The following KIF1B variants were observed in gnomAD, a reference collection of about 807,000 sequenced individuals.
KIF1B encodes kinesin family member 1B.
A neutral mutation model predicts 241.9 loss-of-function variants in KIF1B; 76 were observed. The observed-to-expected ratio is 0.31, with a 90% CI of 0.26 to 0.38. KIF1B has a LOEUF of 0.38. Among genes scored for constraint, KIF1B ranks in the 10% least tolerant of loss-of-function variants. The probability of loss-of-function intolerance (pLI) is 1.00; values close to 1 mark genes in which losing one functional copy is unlikely to be tolerated. For missense variants in KIF1B, 1,622 were observed against 2,271.4 expected (o/e 0.71, Z 5.81); for synonymous variants, 750 against 796.7 (o/e 0.94, Z 0.99).
intron 31 of KIF1B, among the ~76,000 whole-genome samples, chr1:10,338,383 A>G (rs900064264): frequency 6.6e-6 from 1 of 152,340 alleles, no homozygotes; most frequent in East Asian, 1.9e-4. Flanking sequence ...TGTGATCACT[A>G]TATAGTAAGC....
At chr1:10,263,800 T>C (rs1175070521) in intron 5 of KIF1B, among the ~76,000 whole-genome samples, 2 of 152,102 alleles carry the variant, frequency 1.3e-5, no homozygotes, top group Admixed American at 1.3e-4. Context: ...TAACTTGGAG[T>C]GGAGCATAGA....
intron 31 of KIF1B, among the ~76,000 whole-genome samples, chr1:10,338,165 A>G (rs1652252250): frequency 6.6e-6 from 1 of 152,246 alleles, no homozygotes; most frequent in Admixed American, 6.5e-5. Context: ...GTACTTGGAA[A>G]GGGCCACAGT....
At chr1:10,305,933 A>G (rs1234023437) in intron 22 of KIF1B, 15 of 1,054,590 alleles carry the variant, frequency 1.4e-5, no homozygotes, top group Non-Finnish European at 1.7e-5. Flanking sequence ...CCTAAGTCAC[A>G]TGAAATCATC....
In KIF1B at chr1:10,365,725, A is replaced by T; in HGVS notation, c.4752+77A>T. 2 of 1,592,300 alleles carry T rather than the reference A, an allele frequency of 1.3e-6. No individual in the cohort carries two copies. Among genetic ancestry groups the T allele is most frequent in the Middle Eastern group, 1.7e-4 (1 of 5,954 alleles). On this transcript the variant is annotated intron_variant, in intron 43 of 48. Coordinates refer to ENST00000676179, the MANE Select transcript of KIF1B (RefSeq NM_001365951.3). This position sits in a 1 kb window ranked among gnomAD's most constrained non-coding sequence, Gnocchi z 4.0. ...TAGCCTCTCGGTTTATTCATTTTCA[A>T]CACCTTTGTTCGAGGTGTTTGAAGG...
At chr1:10,267,238 C>T (rs189641268) in intron 5 of KIF1B, 142 bp from the exon 6 acceptor site, 12 of 684,458 alleles carry the variant, frequency 1.8e-5, no homozygotes, top group East Asian at 1.2e-4. Flanking sequence ...AGACTGGTCT[C>T]GAACTCGTAG....
intron 19 of KIF1B, 111 bp downstream of exon 19, chr1:10,295,877 A>T (rs2102256843): frequency 1.6e-5 from 15 of 944,508 alleles, no homozygotes; most frequent in Non-Finnish European, 2.5e-5. Context: ...ATACAATCTA[A>T]TTCTGAAAAA....
In KIF1B at chr1:10,292,045, A is replaced by G; in HGVS notation, c.1515-2A>G. On this transcript the variant is annotated splice_acceptor_variant, in intron 16 of 48. Coordinates refer to ENST00000676179, the MANE Select transcript of KIF1B (RefSeq NM_001365951.3). LOFTEE classifies it high-confidence loss of function. ...GTTCTGATATACCTGTTTTTTTCCT[A>G]GAGAGGCTTTGTTGGCTGAGATGGG... The G allele has an allele frequency of 6.2e-7, 1 of 1,612,694 alleles. No individual in the cohort carries two copies. Among genetic ancestry groups the G allele is most frequent in the Non-Finnish European group, 8.5e-7 (1 of 1,178,932 alleles).
At chr1:10,307,837 C>A (rs1337627456) in intron 22 of KIF1B, 1 of 1,043,388 alleles carries the variant, frequency 9.6e-7, no homozygotes, top group Non-Finnish European at 1.2e-6. Flanking sequence ...GAATGGTATT[C>A]CTTGGAGAGT....
intron 10 of KIF1B, 77 bp downstream of exon 10, chr1:10,273,108 AAG>A: frequency 3.2e-5 from 34 of 1,063,820 alleles, no homozygotes; most frequent in Non-Finnish European, 4.3e-5. Context: ...ATGGAGGCAT[AAG>A]TAGGAATGGA....
intron 1 of KIF1B, among the ~76,000 whole-genome samples, chr1:10,219,777 A>T (rs1646816307): frequency 6.8e-6 from 1 of 148,002 alleles, no homozygotes; most frequent in Non-Finnish European, 1.5e-5. Context: ...AAAAATAAAG[A>T]CTTACTAGGG....
intron 27 of KIF1B, among the ~76,000 whole-genome samples, chr1:10,332,973 G>A (rs1352830564): frequency 2.7e-5 from 4 of 150,896 alleles, no homozygotes; most frequent in African/African-American, 7.3e-5. Context: ...CACCATGCCC[G>A]GCTGATTTTT....
chr1:10,352,800 G>C, intron 38 of KIF1B, 64 bp downstream of exon 38: 1 of 1,164,424 alleles, frequency 8.6e-7, no homozygotes, highest in South Asian at 1.2e-5. Context: ...ACACCGTTAG[G>C]TGCCTTATTC....
At chr1:10,243,589 A>G (rs1647167638) in intron 2 of KIF1B, among the ~76,000 whole-genome samples, 1 of 152,258 alleles carries the variant, frequency 6.6e-6, no homozygotes, top group Non-Finnish European at 1.5e-5. Flanking sequence ...GAATTGATAC[A>G]AAGAGGTATT....
intron 19 of KIF1B, among the ~76,000 whole-genome samples, chr1:10,296,310 G>A (rs543608466): frequency 3.9e-5 from 6 of 152,158 alleles, no homozygotes; most frequent in African/African-American, 9.6e-5. Context: ...TGACTGAACC[G>A]TCAGAGATCC....
chr1:10,335,931 T>C (rs1003231480), intron 28 of KIF1B, among the ~76,000 whole-genome samples: 3 of 152,246 alleles, frequency 2.0e-5, no homozygotes, highest in Non-Finnish European at 4.4e-5. Context: ...GTAATCTTTC[T>C]GTCTTAATTC....
intron 2 of KIF1B, among the ~76,000 whole-genome samples, chr1:10,253,253 C>T (rs1005501029): frequency 6.6e-6 from 1 of 152,120 alleles, no homozygotes; most frequent in African/African-American, 2.4e-5. Flanking sequence ...GCTCTGGAGC[C>T]ATGAATAACT....
In KIF1B at chr1:10,321,724, A is replaced by T; in HGVS notation, c.2225A>T (p.His742Leu). The T allele has an allele frequency of 6.2e-7, 1 of 1,614,186 alleles. No individual in the cohort carries two copies. The highest frequency in any genetic ancestry group is 2.2e-5 in the East Asian group (1 of 44,884). The change falls in exon 24 of 49, where the codon CAT (histidine) becomes CTT (leucine). Residue 742 changes from histidine to leucine, a missense_variant. His to Leu is a moderately conservative substitution (Grantham distance 99). Around this residue, in one of 7 missense-constraint regions of KIF1B, gnomAD observed 803 missense variants for 1,112.0 expected, o/e 0.72. Transcript: ENST00000676179. ...EEEEEVPWTQ[H>L]EFELAQWAFR... ...ATTCTTTCAGTTCCTTGGACACAGCATGAATTTGAGTTGGCCCAATGGGCC... is the reference window on the plus strand; with the variant it reads ...ATTCTTTCAGTTCCTTGGACACAGCTTGAATTTGAGTTGGCCCAATGGGCC...
chr1:10,272,426 C>T (rs749337763), intron 9 of KIF1B, 120 bp downstream of exon 9: 14 of 748,660 alleles, frequency 1.9e-5, no homozygotes, highest in South Asian at 1.5e-4. Flanking sequence ...TCTTGCCTTT[C>T]TCCTTTTAGA....
chr1:10,265,626 C>T (rs113790762), intron 5 of KIF1B, among the ~76,000 whole-genome samples: 5,490 of 152,144 alleles, frequency 0.036, 340 homozygotes, highest in African/African-American at 0.12. Flanking sequence ...GGGAGGATTG[C>T]TTGAGCCCAG....
Sources: allele counts gnomAD v4.1 joint callset (sites outside exome capture counted in the v4.1 genomes callset), GRCh38; gene constraint gnomAD v4.1.1; regional missense constraint gnomAD v4.1.1; non-coding constraint Gnocchi (gnomAD v3.1); transcripts MANE v1.5; gene names NCBI Gene and HGNC (gene_info 2026-07-23, HGNC 2026-07-21).